Variants in C7 observed in about 807,000 individuals in gnomAD.
C7 encodes complement C7.
Under a neutral mutation model 104.8 loss-of-function variants are expected in C7, and 83 were observed. The ratio of observed to expected loss-of-function variants is 0.79; its 90% confidence interval spans 0.66 to 0.95. The LOEUF (loss-of-function observed/expected upper bound fraction) is 0.95. Among genes scored for constraint, C7 ranks in the 40% least tolerant of loss-of-function variants. The pLI is 0.00. For missense variants in C7, 1,070 were observed against 1,011.2 expected (o/e 1.06, Z -0.79); for synonymous variants, 415 against 360.6 (o/e 1.15, Z -1.71).
chr5:40,956,828 G>A (rs1400681392), intron 10 of C7, among the ~76,000 whole-genome samples: 3 of 152,170 alleles, frequency 2.0e-5, no homozygotes, highest in African/African-American at 7.2e-5. Flanking sequence ...TATCTTAAAG[G>A]ACCATCTGTT....
At position 40,934,449 on chromosome 5, in the gene C7, G is replaced by GT; in HGVS notation, c.266dup (p.Arg90GlnfsTer19). On this transcript the variant is annotated frameshift_variant, in exon 4 of 18. Coordinates refer to ENST00000313164, the MANE Select transcript of C7 (RefSeq NM_000587.4). LOFTEE classifies it high-confidence loss of function. ...CCAACAGAGGAGGGATGTGGAGAGC[G>GT]TTTCAGGTGCTTTTCAGGTAACTTG... 6.2e-7 allele frequency: 1 copy of GT among 1,613,716 alleles called. No individual in the cohort carries two copies. Among genetic ancestry groups the GT allele is most frequent in the Non-Finnish European group, 8.5e-7 (1 of 1,179,682 alleles).
intron 14 of C7, among the ~76,000 whole-genome samples, chr5:40,968,377 G>A (rs1031170064): frequency 1.3e-5 from 2 of 151,270 alleles, no homozygotes; most frequent in African/African-American, 4.9e-5. Context: ...CTGCCTGTCT[G>A]GGCCTCCCAA....
chr5:40,953,597 T>A (rs1421926940), intron 9 of C7, among the ~76,000 whole-genome samples: 1 of 126,142 alleles, frequency 7.9e-6, no homozygotes, highest in Non-Finnish European at 1.6e-5. Flanking sequence ...GCTGAGATAG[T>A]GCCACTGCAC....
intron 6 of C7, among the ~76,000 whole-genome samples, chr5:40,940,720 A>C (rs1042414099): frequency 6.6e-6 from 1 of 152,182 alleles, no homozygotes; most frequent in African/African-American, 2.4e-5. Context: ...TTTGTATACT[A>C]AGCACTGTTC....
intron 10 of C7, among the ~76,000 whole-genome samples, chr5:40,956,276 T>C (rs1740288622): frequency 6.6e-6 from 1 of 152,238 alleles, no homozygotes; most frequent in African/African-American, 2.4e-5. Flanking sequence ...TTCTGGGTTT[T>C]GGAAGGTTTA....
Position 40,958,015 on chromosome 5 carries a change from A to G in C7, c.1261-18A>G. 1 of 1,564,674 alleles carries G rather than the reference A, an allele frequency of 6.4e-7. No individual in the cohort carries two copies. On this transcript the variant is annotated intron_variant, in intron 10 of 17. Coordinates refer to ENST00000313164, the MANE Select transcript of C7 (RefSeq NM_000587.4). ...CCTAAATCCCTGATTACTGACTATA[A>G]TGTCTTTATCTCTATAGCTGACACC...
At chr5:40,957,915 T>C in intron 10 of C7, 118 bp from the exon 11 acceptor site, 1 of 612,810 alleles carries the variant, frequency 1.6e-6, no homozygotes, top group Non-Finnish European at 2.7e-6. Context: ...GAAACAATTG[T>C]AACAAACTTG....
intron 13 of C7, 147 bp downstream of exon 13, chr5:40,962,319 T>C (rs968247706): frequency 1.4e-5 from 7 of 489,996 alleles, no homozygotes; most frequent in African/African-American, 9.6e-5. Flanking sequence ...AGGGTTTTAG[T>C]GTGTGACTTT....
chr5:40,976,426 C>A (rs925700000), intron 15 of C7, among the ~76,000 whole-genome samples: 1 of 152,168 alleles, frequency 6.6e-6, no homozygotes, highest in Admixed American at 6.5e-5. Flanking sequence ...CTTCCTAACT[C>A]TTTTTACTCT....
At chr5:40,915,445 A>G (rs567815699) in intron 1 of C7, among the ~76,000 whole-genome samples, 1 of 152,334 alleles carries the variant, frequency 6.6e-6, no homozygotes, top group South Asian at 2.1e-4. Context: ...GAATATTATA[A>G]TAGATTGTTT....
intron 1 of C7, among the ~76,000 whole-genome samples, chr5:40,925,963 A>G (rs972984425): frequency 6.6e-6 from 1 of 152,214 alleles, no homozygotes; most frequent in African/African-American, 2.4e-5. Context: ...CAAAAAAAGA[A>G]AACTACATGC....
intron 6 of C7, among the ~76,000 whole-genome samples, chr5:40,940,241 C>T (rs1037897145): frequency 6.6e-6 from 1 of 152,158 alleles, no homozygotes; most frequent in Non-Finnish European, 1.5e-5. Context: ...TTTAGCATCG[C>T]GGTTTATCCA....
At chr5:40,944,886 AG>A (rs1740012743) in intron 6 of C7, among the ~76,000 whole-genome samples, 3 of 152,208 alleles carry the variant, frequency 2.0e-5, no homozygotes, top group Non-Finnish European at 4.4e-5. Context: ...CTGTCAGTGT[AG>A]CTTTTGTTAA....
chr5:40,938,752 C>T (rs1739868279), intron 6 of C7, among the ~76,000 whole-genome samples: 3 of 152,148 alleles, frequency 2.0e-5, no homozygotes, highest in Admixed American at 6.5e-5. Context: ...CTATTTCTGT[C>T]ATACACACCT....
intron 12 of C7, among the ~76,000 whole-genome samples, chr5:40,961,007 T>A (rs537404891): frequency 7.2e-5 from 11 of 152,312 alleles, no homozygotes; most frequent in Non-Finnish European, 1.3e-4. Flanking sequence ...AGGCTTAAGA[T>A]TCTTACTCCA....
At chr5:40,921,810 G>A (rs192178859) in intron 1 of C7, among the ~76,000 whole-genome samples, 2 of 152,206 alleles carry the variant, frequency 1.3e-5, no homozygotes, top group Non-Finnish European at 2.9e-5. Context: ...GCCGAGGTGG[G>A]TGGATCACGA....
rs1740324716 is a variant in C7 at position 40,957,762 on chromosome 5, T to G, written c.1261-271T>G. ...TGAGTCATCGCGCCTGGGCTGGTTT[T>G]TTTTTGTTTTTTTTTTTTTTAAATC... On this transcript the variant is annotated intron_variant, in intron 10 of 17. Transcript: ENST00000313164. 3.7e-5 allele frequency among the ~76,000 whole-genome samples: 2 copies of G among 53,844 alleles called. 1 individual carries two copies. The highest frequency in any genetic ancestry group is 1.1e-3 in the South Asian group (2 of 1,808). 35.3% of individuals were successfully genotyped at this position (53,844 alleles called of 152,430 possible).
chr5:40,965,649 T>TATATATATATATA (rs1554043911), intron 14 of C7, among the ~76,000 whole-genome samples: 1 of 26,638 alleles, frequency 3.8e-5, no homozygotes, highest in Admixed American at 3.6e-4. Flanking sequence ...TATATATATA[T>TATATATATATATA]TTTTTTTTTG....
chr5:40,940,255 C>A (rs529076966), intron 6 of C7, among the ~76,000 whole-genome samples: 1 of 152,304 alleles, frequency 6.6e-6, no homozygotes, highest in South Asian at 2.1e-4. Flanking sequence ...TTATCCAGGG[C>A]AAACCCAATT....
Sources: allele counts gnomAD v4.1 joint callset (sites outside exome capture counted in the v4.1 genomes callset), GRCh38; gene constraint gnomAD v4.1.1; transcripts MANE v1.5; gene names NCBI Gene and HGNC (gene_info 2026-07-23, HGNC 2026-07-21).